Variants in NPHP1 observed in about 807,000 individuals in gnomAD.
NPHP1 encodes nephrocystin-1.
NPHP1 carries 70 observed loss-of-function variants against 90.4 expected under a neutral mutation model. The observed-to-expected ratio is 0.77, with a 90% CI of 0.64 to 0.95. The LOEUF (loss-of-function observed/expected upper bound fraction) is 0.95. NPHP1 is among the 40% of genes least tolerant of loss of function. NPHP1 has a pLI of 0.00. For missense variants in NPHP1, 764 were observed against 795.9 expected (o/e 0.96, Z 0.48); for synonymous variants, 256 against 271.7 (o/e 0.94, Z 0.57).
At chr2:110,147,219 C>A (rs1413876682) in intron 13 of NPHP1, among the ~76,000 whole-genome samples, 2 of 151,966 alleles carry the variant, frequency 1.3e-5, no homozygotes, top group Non-Finnish European at 2.9e-5. Context: ...AAGGGCTTTT[C>A]TGCTTGGAAT....
intron 2 of NPHP1, among the ~76,000 whole-genome samples, chr2:110,190,736 G>T (rs1283723099): frequency 1.3e-5 from 2 of 152,334 alleles, no homozygotes; most frequent in East Asian, 3.9e-4. Context: ...TGTGAGGACT[G>T]CCAGCATGCT....
chr2:110,170,901 A>G (rs4953842), intron 4 of NPHP1, among the ~76,000 whole-genome samples: 148,292 of 152,140 alleles, frequency 0.97, 72,374 homozygotes, highest in Middle Eastern at 1. Context: ...GGCAAGGCTT[A>G]AGGAAAATGA....
At chr2:110,195,211 T>C (rs1386228956) in intron 2 of NPHP1, among the ~76,000 whole-genome samples, 1 of 152,106 alleles carries the variant, frequency 6.6e-6, no homozygotes, top group Non-Finnish European at 1.5e-5. Flanking sequence ...AAAGAGGAAG[T>C]CAAATTGTCC....
At chr2:110,170,569 G>C (rs1273006730) in intron 4 of NPHP1, among the ~76,000 whole-genome samples, 1 of 152,126 alleles carries the variant, frequency 6.6e-6, no homozygotes, top group Non-Finnish European at 1.5e-5. Context: ...TTCCGTGTCA[G>C]AGAGATACAC....
At chr2:110,201,385 G>A (rs1258192508) in intron 2 of NPHP1, 36 bp downstream of exon 2, 8 of 1,334,356 alleles carry the variant, frequency 6.0e-6, no homozygotes, top group Non-Finnish European at 8.6e-6. Context: ...TGTAAGTGCG[G>A]TTCCTGTAAA....
At chr2:110,163,179 T>C in intron 8 of NPHP1, 44 bp from the exon 9 acceptor site, 1 of 1,336,370 alleles carries the variant, frequency 7.5e-7, no homozygotes, top group Non-Finnish European at 1.1e-6. Context: ...CAGTCATGTT[T>C]CTGCATCTCT....
Position 110,129,656 on chromosome 2 carries a change from A to G in NPHP1, c.1643-397T>C, listed in dbSNP as rs552606822. Among the ~76,000 whole-genome samples the G allele has an allele frequency of 1.7e-3, 255 of 152,312 alleles. 4 individuals carry two copies. The highest frequency in any genetic ancestry group is 0.016 in the South Asian group (79 of 4,820). ...AGAAACTAGGAAGCATTGGGGGGAAAGGAGACAGAGGACCTGCTGCTCAGG... is the reference window on the plus strand; with the variant it reads ...AGAAACTAGGAAGCATTGGGGGGAAGGGAGACAGAGGACCTGCTGCTCAGG... On this transcript the variant is annotated intron_variant, in intron 17 of 19. Coordinates refer to ENST00000445609, the MANE Select transcript of NPHP1 (RefSeq NM_001128178.3).
intron 14 of NPHP1, among the ~76,000 whole-genome samples, chr2:110,144,902 T>C (rs1680904496): frequency 6.6e-6 from 1 of 152,198 alleles, no homozygotes; most frequent in Admixed American, 6.5e-5. Flanking sequence ...TTTTTTTTAA[T>C]GTATTTTTCA....
At chr2:110,194,744 T>A (rs1685026109) in intron 2 of NPHP1, among the ~76,000 whole-genome samples, 1 of 152,166 alleles carries the variant, frequency 6.6e-6, no homozygotes, top group Non-Finnish European at 1.5e-5. Flanking sequence ...TGAACCTCGA[T>A]GCAAAAATCC....
chr2:110,170,947 T>C (rs184991101), intron 4 of NPHP1, among the ~76,000 whole-genome samples: 4 of 152,222 alleles, frequency 2.6e-5, no homozygotes, highest in Admixed American at 2.0e-4. Context: ...ACGCGGAATG[T>C]AGCCCAGGTG....
Position 110,161,633 on chromosome 2 carries a change from T to C in NPHP1, c.924A>G (p.Arg308=), listed in dbSNP as rs1336537927. 1 of 1,612,460 alleles carries C rather than the reference T, an allele frequency of 6.2e-7. No homozygotes were observed. Among genetic ancestry groups the C allele is most frequent in the Admixed American group, 1.7e-5 (1 of 60,014 alleles). The change falls in exon 10 of 20, where the codon AGA becomes AGG. Residue 308 remains arginine, a synonymous_variant. Transcript: ENST00000445609. The part of the protein sequence containing the change: ...PELMPSQLAF[R]DLMWDATEGT... ...CTTCTGTAGCATCCCACATCAGATC[T>C]CTGAAGGCCAGTTGTGAAGGCATGA...
intron 2 of NPHP1, among the ~76,000 whole-genome samples, chr2:110,195,763 G>C (rs548481301): frequency 2.2e-4 from 33 of 152,206 alleles, no homozygotes; most frequent in Admixed American, 8.5e-4. Flanking sequence ...GTACTACAAG[G>C]CTACAGTAAC....
chr2:110,156,472 T>C (rs955938647), intron 11 of NPHP1, among the ~76,000 whole-genome samples: 1 of 151,818 alleles, frequency 6.6e-6, no homozygotes, highest in African/African-American at 2.4e-5. Context: ...ATCAGCAGCG[T>C]GAGAACAAAC....
intron 4 of NPHP1, among the ~76,000 whole-genome samples, chr2:110,175,909 G>T (rs1683477514): frequency 1.3e-5 from 2 of 151,600 alleles, no homozygotes; most frequent in African/African-American, 4.8e-5. Flanking sequence ...TTTTATTTTT[G>T]TGTATCAATT....
At chr2:110,176,069 T>C (rs1683488011) in intron 4 of NPHP1, among the ~76,000 whole-genome samples, 1 of 152,110 alleles carries the variant, frequency 6.6e-6, no homozygotes, top group South Asian at 2.1e-4. Context: ...CCCATTTCTC[T>C]GCTTAAGATT....
chr2:110,148,035 A>AT lies in NPHP1; in HGVS notation c.1159-10dup. The AT allele has an allele frequency of 6.5e-7, 1 of 1,537,746 alleles. No individual in the cohort carries two copies. Among genetic ancestry groups the AT allele is most frequent in the Non-Finnish European group, 9.0e-7 (1 of 1,110,304 alleles). ...GGTAAGATGCGAGTAACCTGAAATG[A>AT]TAAAGAAATTAAAGTTATTGATAAA... is the stretch of plus-strand genomic sequence containing the variant. On this transcript the variant is annotated splice_polypyrimidine_tract_variant and intron_variant, in intron 12 of 19. Transcript: ENST00000445609.
intron 19 of NPHP1, 83 bp from the exon 20 acceptor site, chr2:110,124,146 A>G: frequency 1.3e-6 from 2 of 1,518,294 alleles, no homozygotes; most frequent in Non-Finnish European, 1.8e-6. Context: ...AAAGCCACCT[A>G]AGAGGTAGGA....
At chr2:110,143,390 C>T (rs780278869) in intron 16 of NPHP1, 152 bp downstream of exon 16, 8 of 657,468 alleles carry the variant, frequency 1.2e-5, no homozygotes, top group Admixed American at 4.8e-5. Flanking sequence ...GCTTTGTTAC[C>T]CATTTCCCTA....
At chr2:110,171,724 T>C (rs780380766) in intron 4 of NPHP1, among the ~76,000 whole-genome samples, 6 of 152,192 alleles carry the variant, frequency 3.9e-5, no homozygotes, top group Non-Finnish European at 7.4e-5. Context: ...ATTTCAATGA[T>C]TGATTTTTTA....
Sources: allele counts gnomAD v4.1 joint callset (sites outside exome capture counted in the v4.1 genomes callset), GRCh38; gene constraint gnomAD v4.1.1; transcripts MANE v1.5; gene names NCBI Gene and HGNC (gene_info 2026-07-23, HGNC 2026-07-21).